The following R3HDM1 variants were observed in gnomAD, a reference collection of about 807,000 sequenced individuals.
The protein encoded by R3HDM1 is R3H domain containing 1, also known as R3H domain-containing protein 1.
R3HDM1 carries 46 observed loss-of-function variants against 141.1 expected under a neutral mutation model. The ratio of observed to expected loss-of-function variants is 0.33; its 90% confidence interval spans 0.26 to 0.42. R3HDM1 has a LOEUF of 0.42. Ranked by LOEUF, R3HDM1 falls within the 10% of genes least tolerant of loss-of-function variation. The probability of loss-of-function intolerance (pLI) is 1.00; values close to 1 mark genes in which losing one functional copy is unlikely to be tolerated. For synonymous variants in R3HDM1, 435 were observed against 472.9 expected (o/e 0.92, Z 1.04); for missense variants, 1,184 against 1,368.3 (o/e 0.87, Z 2.12).
intron 1 of R3HDM1, among the ~76,000 whole-genome samples, chr2:135,561,115 T>C (rs1181271753): frequency 6.6e-6 from 1 of 152,204 alleles, no homozygotes; most frequent in African/African-American, 2.4e-5. Context: ...CTTGACTTAC[T>C]AGATCACAGG....
chr2:135,630,281 C>CAAAAAAAAAAACAAAAAAAAAAAAAAA (rs2062533893), intron 7 of R3HDM1, among the ~76,000 whole-genome samples: 1 of 39,298 alleles, frequency 2.5e-5, no homozygotes, highest in African/African-American at 9.2e-5. Flanking sequence ...CCTTCTCAAC[C>CAAAAAAAAAAACAAAAAAAAAAAAAAA]AAAAAAAAAA....
intron 1 of R3HDM1, chr2:135,596,996 A>G (rs1574196545): frequency 2.0e-6 from 2 of 980,860 alleles, no homozygotes; most frequent in Admixed American, 6.2e-5. Flanking sequence ...GTGGATCACA[A>G]TGTATGAGAG....
At chr2:135,645,276 T>C in intron 15 of R3HDM1, 103 bp from the exon 16 acceptor site, 1 of 1,009,376 alleles carries the variant, frequency 9.9e-7, no homozygotes, top group Non-Finnish European at 1.4e-6. Context: ...TTTTTTTAAT[T>C]GTGGTTAAAG....
intron 1 of R3HDM1, among the ~76,000 whole-genome samples, chr2:135,547,767 C>CT (rs56950620): frequency 0.022 from 2,370 of 107,366 alleles, 51 homozygotes; most frequent in Middle Eastern, 0.035. Context: ...TTTTTCTTTT[C>CT]TTTTTTTTTT....
At chr2:135,553,881 G>A (rs902579645) in intron 1 of R3HDM1, among the ~76,000 whole-genome samples, 2 of 152,146 alleles carry the variant, frequency 1.3e-5, no homozygotes, top group Admixed American at 1.3e-4. Flanking sequence ...GTAGAGACAG[G>A]GTTTCGCCAT....
intron 21 of R3HDM1, among the ~76,000 whole-genome samples, chr2:135,683,714 T>C (rs2070758228): frequency 6.6e-6 from 1 of 152,194 alleles, no homozygotes; most frequent in African/African-American, 2.4e-5. Flanking sequence ...ATTTCAAGTT[T>C]ACTTGGAACC....
intron 7 of R3HDM1, among the ~76,000 whole-genome samples, chr2:135,628,222 T>C (rs2062248046): frequency 1.3e-5 from 2 of 152,166 alleles, no homozygotes; most frequent in South Asian, 4.1e-4. Flanking sequence ...TAACCTCAAT[T>C]ACAGATTTGA....
At chr2:135,694,623 A>G (rs769055282) in intron 21 of R3HDM1, among the ~76,000 whole-genome samples, 3 of 152,228 alleles carry the variant, frequency 2.0e-5, no homozygotes, top group Non-Finnish European at 4.4e-5. Context: ...GGATTGCCCC[A>G]GCTTAGTGCC....
intron 1 of R3HDM1, among the ~76,000 whole-genome samples, chr2:135,597,426 G>A (rs1376746249): frequency 6.6e-6 from 1 of 152,186 alleles, no homozygotes; most frequent in African/African-American, 2.4e-5. Context: ...TTGTTCAAGT[G>A]ACTGACAAAG....
chr2:135,641,444 G>A (rs2063784145), intron 14 of R3HDM1, 92 bp from the exon 15 acceptor site: 1 of 1,350,690 alleles, frequency 7.4e-7, no homozygotes, highest in Non-Finnish European at 1.0e-6. Flanking sequence ...GTAACTGCAT[G>A]TTATGCAATG....
At position 135,579,599 on chromosome 2, in the gene R3HDM1, G is replaced by C. The variant is rs1330805470; in HGVS notation, c.-249-22901G>C. Among the ~76,000 whole-genome samples the C allele has an allele frequency of 4.0e-5, 6 of 149,916 alleles. No individual in the cohort carries two copies. In the East Asian group the frequency reaches 9.9e-4, roughly 25 times the overall value. ...AAAATGGTAACTATGGGGTGGCGGG[G>C]GGGGGTGGAAATGGCAGATACCACC... On this transcript the variant is annotated intron_variant, in intron 1 of 26. Transcript: ENST00000683871.
intron 1 of R3HDM1, among the ~76,000 whole-genome samples, chr2:135,591,859 A>G (rs1709354195): frequency 6.6e-6 from 1 of 152,232 alleles, no homozygotes. Flanking sequence ...CACACAGGGT[A>G]AGGTCTAGGT....
At position 135,724,591 on chromosome 2, in the gene R3HDM1, C is replaced by G. The variant is rs1441866376; in HGVS notation, c.*299C>G. ...GTTTTATATTTCTAAATTCTTGTAT[C>G]AGATCCAAAGCTCTATTGTACAGCA... On this transcript the variant is annotated 3_prime_UTR_variant, in exon 27 of 27. Coordinates refer to ENST00000683871, the MANE Select transcript of R3HDM1 (RefSeq NM_001378107.1). The G allele has an allele frequency of 7.8e-6, 2 of 254,964 alleles. No individual in the cohort carries two copies. Among genetic ancestry groups the G allele is most frequent in the Non-Finnish European group, 1.5e-5 (2 of 134,642 alleles). The allele number at this position is 254,964 out of a possible 1,614,324, so 15.8% of individuals were successfully genotyped here. A position where few individuals can be genotyped will look rare whatever the true frequency, so the allele number is the denominator to read the frequency against.
intron 1 of R3HDM1, among the ~76,000 whole-genome samples, chr2:135,602,039 T>A (rs2059664121): frequency 6.6e-6 from 1 of 151,982 alleles, no homozygotes; most frequent in Admixed American, 6.6e-5. Flanking sequence ...GTTATTTTTG[T>A]TTTATTTTTT....
At chr2:135,622,246 A>C in intron 6 of R3HDM1, 1 of 983,262 alleles carries the variant, frequency 1.0e-6, no homozygotes, top group Non-Finnish European at 1.2e-6. Flanking sequence ...TATTGCCTCC[A>C]TTATATTCAT....
intron 19 of R3HDM1, chr2:135,669,693 C>T (rs1191163566): frequency 3.8e-6 from 2 of 522,828 alleles, no homozygotes; most frequent in African/African-American, 2.1e-5. Flanking sequence ...AGGTATGAAC[C>T]TCTCTGTGCC....
At chr2:135,545,392 A>G (rs926397982) in intron 1 of R3HDM1, among the ~76,000 whole-genome samples, 7 of 152,330 alleles carry the variant, frequency 4.6e-5, no homozygotes, top group Admixed American at 3.9e-4. Context: ...AGGTTAGAAC[A>G]TGATGGAATG....
rs550921788 is a variant in R3HDM1 at position 135,687,899 on chromosome 2, A to T, written c.2459+7575A>T. 4.6e-5 allele frequency among the ~76,000 whole-genome samples: 7 copies of T among 152,378 alleles called. No individual in the cohort carries two copies. The South Asian group carries it at 1.0e-3, about 23-fold the overall frequency. ...AAATCACATTAATTTTCAGAGTTAC[A>T]TAAAGAAAAATATGTGTAGCAGATT... is the stretch of plus-strand genomic sequence containing the variant. On this transcript the variant is annotated intron_variant, in intron 21 of 26. Transcript: ENST00000683871.
chr2:135,705,083 A>G (rs1023478373), intron 21 of R3HDM1, among the ~76,000 whole-genome samples: 1 of 152,192 alleles, frequency 6.6e-6, no homozygotes, highest in Non-Finnish European at 1.5e-5. Context: ...CCCAATATGT[A>G]CTGACTCCGC....
Sources: allele counts gnomAD v4.1 joint callset (sites outside exome capture counted in the v4.1 genomes callset), GRCh38; gene constraint gnomAD v4.1.1; transcripts MANE v1.5; gene names NCBI Gene and HGNC (gene_info 2026-07-23, HGNC 2026-07-21).